Variants in ZNF571 observed in about 807,000 individuals in gnomAD.
ZNF571 encodes the protein zinc finger protein 571.
Under a neutral mutation model 7.7 loss-of-function variants are expected in ZNF571, and 4 were observed. The observed-to-expected ratio is 0.52, with a 90% CI of 0.25 to 1.18. The LOEUF is 1.18. ZNF571 is among the 50% of genes most tolerant of loss of function. The pLI is 0.14. For synonymous variants in ZNF571, 251 were observed against 232.4 expected (o/e 1.08, Z -0.73); for missense variants, 704 against 726.9 (o/e 0.97, Z 0.36).
Position 37,565,697 on chromosome 19 carries a change from ACT to A in ZNF571, c.729_730del (p.Arg243SerfsTer9), listed in dbSNP as rs754535501. On this transcript the variant is annotated frameshift_variant, in exon 4 of 4. Coordinates refer to ENST00000451802, the MANE Select transcript of ZNF571 (RefSeq NM_016536.5). LOFTEE classifies it low-confidence loss of function (END_TRUNC). ...TTCATATGGTTTCTCTCCTGTATGA[ACT>A]CTCTGATGTTCAGTGAGCTGTGAAC... 5.6e-6 allele frequency: 9 copies of A among 1,613,720 alleles called. No homozygotes were observed. The highest frequency in any genetic ancestry group is 2.2e-5 in the East Asian group (1 of 44,848).
intron 1 of ZNF571, among the ~76,000 whole-genome samples, chr19:37,590,443 T>C (rs1034538146): frequency 6.6e-6 from 1 of 151,726 alleles, no homozygotes; most frequent in Non-Finnish European, 1.5e-5. Context: ...AAAAAAAAGC[T>C]ATAAGGACAA....
intron 3 of ZNF571, among the ~76,000 whole-genome samples, chr19:37,571,681 T>C (rs1027602358): frequency 3.9e-5 from 6 of 152,184 alleles, no homozygotes; most frequent in Non-Finnish European, 7.3e-5. Context: ...CTACTTACAA[T>C]ATTTTTGACA....
chr19:37,573,170 A>G (rs991475229), intron 3 of ZNF571, among the ~76,000 whole-genome samples: 10 of 152,196 alleles, frequency 6.6e-5, no homozygotes, highest in Non-Finnish European at 7.3e-5. Context: ...TTGGATGAAA[A>G]ACAACAGAAA....
chr19:37,567,249 T>C (rs1276732058), intron 3 of ZNF571, among the ~76,000 whole-genome samples: 1 of 152,262 alleles, frequency 6.6e-6, no homozygotes, highest in African/African-American at 2.4e-5. Flanking sequence ...CTTTGTTTCA[T>C]ATACTGCTTT....
intron 3 of ZNF571, among the ~76,000 whole-genome samples, chr19:37,579,046 C>T (rs147925575): frequency 5.3e-5 from 8 of 152,336 alleles, no homozygotes; most frequent in Middle Eastern, 3.4e-3. Context: ...CCTGCCCCCA[C>T]CTGAACATTT....
chr19:37,593,995 T>C (rs2043943148), intron 1 of ZNF571: 1 of 151,984 alleles, frequency 6.6e-6, no homozygotes, highest in Non-Finnish European at 1.5e-5. Context: ...TCTGGGTGCC[T>C]CTCTTGGAAA....
intron 3 of ZNF571, among the ~76,000 whole-genome samples, chr19:37,579,462 G>A (rs529683775): frequency 2.0e-5 from 3 of 152,300 alleles, no homozygotes; most frequent in South Asian, 2.1e-4. Context: ...CTGTGACATC[G>A]GAAAACAGGT....
At position 37,564,563 on chromosome 19, in the gene ZNF571, A is replaced by T. The variant is rs749522607; in HGVS notation, c.*35T>A. On this transcript the variant is annotated 3_prime_UTR_variant, in exon 4 of 4. Transcript: ENST00000451802. ...TTCATTATAGATATGAAATAGATGA[A>T]GATTTTCTTAAATTTAATCACATTC... 1 of 1,452,948 alleles carries T rather than the reference A, an allele frequency of 6.9e-7. No homozygotes were observed. The highest frequency in any genetic ancestry group is 2.5e-5 in the Admixed American group (1 of 40,562). 90.0% of individuals were successfully genotyped at this position (1,452,948 alleles called of 1,614,324 possible).
intron 1 of ZNF571, among the ~76,000 whole-genome samples, chr19:37,590,407 G>A (rs570971998): frequency 4.7e-5 from 7 of 150,226 alleles, no homozygotes; most frequent in Non-Finnish European, 8.9e-5. Flanking sequence ...ACAGAGTGAG[G>A]CTCCGTTTCA....
chr19:37,586,652 A>G lies in ZNF571; in HGVS notation c.9+16T>C. On this transcript the variant is annotated intron_variant, in intron 2 of 3. Transcript: ENST00000451802. ...AAAATGATTGTACTTCAAGAAGGAA[A>G]GAAACAGCAACTCACGTGGGGCATG... The G allele has an allele frequency of 6.2e-7, 1 of 1,614,008 alleles. No homozygotes were observed.
At chr19:37,584,289 A>AC (rs1373260705) in intron 2 of ZNF571, 192 bp from the exon 3 acceptor site, 3 of 621,718 alleles carry the variant, frequency 4.8e-6, no homozygotes, top group Non-Finnish European at 7.9e-6. Context: ...GTACAATAGA[A>AC]CAATTCCATT....
Position 37,565,247 on chromosome 19 carries a change from T to C in ZNF571, c.1181A>G (p.Lys394Arg). The change falls in exon 4 of 4, where the codon AAA becomes AGA. Residue 394 changes from lysine to arginine, a missense_variant. Lys to Arg is a conservative substitution (Grantham distance 26, BLOSUM62 2). Coordinates refer to ENST00000451802, the MANE Select transcript of ZNF571 (RefSeq NM_016536.5). ...AGAAATAAAGGCTTTCCCACATTCT[T>C]TGCATTTATAAGGTCTCTCACCTGA... ...VHSGERPYKC[K>R]ECGKAFISNS... 1 of 1,612,896 alleles carries C rather than the reference T, an allele frequency of 6.2e-7. No individual in the cohort carries two copies. Among genetic ancestry groups the C allele is most frequent in the Non-Finnish European group, 8.5e-7 (1 of 1,179,594 alleles).
chr19:37,566,420 T>C, intron 3 of ZNF571, 129 bp from the exon 4 acceptor site: 1 of 1,088,290 alleles, frequency 9.2e-7, no homozygotes. Flanking sequence ...AGAAATATTT[T>C]CTGCCATTTT....
At position 37,565,511 on chromosome 19, in the gene ZNF571, G is replaced by GTAT; in HGVS notation, c.916_917insATA (p.Pro306delinsHisThr). 2.5e-6 allele frequency: 4 copies of GTAT among 1,613,742 alleles called. No homozygotes were observed. Among genetic ancestry groups the GTAT allele is most frequent in the Non-Finnish European group, 2.5e-6 (3 of 1,179,868 alleles). ...CTTTCCACATTCCTTACACTCATAAGGTTTCTCACCACTATGAATTCTCTG... is the reference window on the plus strand; with the variant it reads ...CTTTCCACATTCCTTACACTCATAAGTATGTTTCTCACCACTATGAATTCTCTG... On this transcript the variant is annotated protein_altering_variant, in exon 4 of 4. Transcript: ENST00000451802.
At chr19:37,583,798 GAA>G in intron 3 of ZNF571, 171 bp downstream of exon 3, 1 of 578,892 alleles carries the variant, frequency 1.7e-6, no homozygotes, top group South Asian at 2.6e-5. Flanking sequence ...AAGTGACAGA[GAA>G]AGATGTGACA....
intron 3 of ZNF571, among the ~76,000 whole-genome samples, chr19:37,577,210 C>T (rs1332350828): frequency 2.0e-5 from 3 of 152,056 alleles, no homozygotes; most frequent in Non-Finnish European, 4.4e-5. Flanking sequence ...TCATCACCCT[C>T]CTCAAATATT....
rs149276502 is a variant in ZNF571, at chr19:37,565,536, G to A, written c.892C>T (p.Gln298Ter). 2.9e-5 allele frequency: 46 copies of A among 1,613,696 alleles called. No homozygotes were observed. In the African/African-American group the frequency reaches 4.0e-4, roughly 14 times the overall value. The change falls in exon 4 of 4, where the codon CAG (glutamine) becomes TAG (stop). Residue 298 changes from glutamine (Q) to a stop codon, truncating the protein, a stop_gained. Transcript: ENST00000451802. LOFTEE classifies it low-confidence loss of function (END_TRUNC). The stretch of plus-strand genomic sequence containing the variant: ...GGTTTCTCACCACTATGAATTCTCT[G>A]ATGGTAAGTAAGTTGAGAGCCAAGA... ...FILGSQLTYH[Q>*]RIHSGEKPYE...
At chr19:37,566,566 ATAAAAACACCCTCT>A in intron 3 of ZNF571, 1 of 294,248 alleles carries the variant, frequency 3.4e-6, no homozygotes, top group Non-Finnish European at 6.3e-6. Context: ...TAAAATAGTA[ATAAAAACACCCTCT>A]TGAAAACAAA....
chr19:37,591,878 GA>G (rs951506904), intron 1 of ZNF571, among the ~76,000 whole-genome samples: 2 of 151,956 alleles, frequency 1.3e-5, no homozygotes, highest in African/African-American at 4.8e-5. Flanking sequence ...AATACTTGAT[GA>G]AAAAAAGTTC....
Sources: gnomAD v4.1 joint callset for allele counts (sites outside exome capture counted in the v4.1 genomes callset) on GRCh38, gnomAD v4.1.1 for gene constraint, MANE v1.5 for transcripts, NCBI Gene and HGNC (gene_info 2026-07-23, HGNC 2026-07-21) for gene names.